ARHGAP26: variants seen among roughly 807,000 people sequenced by gnomAD.
The protein encoded by ARHGAP26 is rho GTPase-activating protein 26.
Under a neutral mutation model 104.8 loss-of-function variants are expected in ARHGAP26, and 38 were observed. The observed-to-expected ratio is 0.36, with a 90% CI of 0.28 to 0.48. ARHGAP26 has a LOEUF of 0.48. ARHGAP26 is among the 20% of genes least tolerant of loss of function. The pLI, the probability that ARHGAP26 is intolerant of heterozygous loss-of-function variation, is 0.99. For synonymous variants in ARHGAP26, 341 were observed against 340.0 expected (o/e 1.00, Z -0.03); for missense variants, 704 against 947.9 (o/e 0.74, Z 3.38).
chr5:143,158,770 C>A (rs1800824004), intron 20 of ARHGAP26, among the ~76,000 whole-genome samples: 1 of 152,144 alleles, frequency 6.6e-6, no homozygotes, highest in Non-Finnish European at 1.5e-5. Flanking sequence ...GTCAAAAATA[C>A]TCAGAAAAGG....
intron 14 of ARHGAP26, among the ~76,000 whole-genome samples, chr5:143,043,981 GACTTA>G (rs1783852668): frequency 6.6e-6 from 1 of 152,184 alleles, no homozygotes; most frequent in Non-Finnish European, 1.5e-5. Flanking sequence ...ATTTCTGAAA[GACTTA>G]ACTTGAGGCT....
intron 20 of ARHGAP26, among the ~76,000 whole-genome samples, chr5:143,173,637 C>T (rs1254708347): frequency 7.2e-5 from 11 of 152,186 alleles, no homozygotes; most frequent in African/African-American, 2.4e-4. Flanking sequence ...TTGCCGGTAG[C>T]AGCCTCAGAA....
rs1365146169 is a variant in ARHGAP26, at chr5:142,944,510, G to GT, written c.1107+12385_1107+12386insT. Among the ~76,000 whole-genome samples, 4 of 152,084 alleles carry GT rather than the reference G, an allele frequency of 2.6e-5. No homozygotes were observed. The South Asian group carries it at 8.3e-4, about 32-fold the overall frequency. On this transcript the variant is annotated intron_variant, in intron 11 of 22. Coordinates refer to ENST00000645722, the MANE Select transcript of ARHGAP26 (RefSeq NM_001135608.3). Reference sequence around the variant, plus strand: ...TGTGCTCCTTCCAGTCACTTATGAGGGTGCCCATTTTCTCCACACCTTTGC... The same window carrying GT: ...TGTGCTCCTTCCAGTCACTTATGAGGTGTGCCCATTTTCTCCACACCTTTGC...
At chr5:143,020,036 T>G (rs1780103836) in intron 12 of ARHGAP26, among the ~76,000 whole-genome samples, 1 of 152,240 alleles carries the variant, frequency 6.6e-6, no homozygotes, top group Non-Finnish European at 1.5e-5. Context: ...AATGCCATTT[T>G]GTAGTTCACT....
At chr5:142,796,054 CTGTGTGTGTGTGTGTGTG>C (rs71890315) in intron 1 of ARHGAP26, among the ~76,000 whole-genome samples, 1 of 144,048 alleles carries the variant, frequency 6.9e-6, no homozygotes, top group Non-Finnish European at 1.5e-5. Flanking sequence ...AGGTGTTTTT[CTGTGTGTGTGTGTGTGTG>C]TGTGTGTGTG....
At chr5:142,944,847 G>T (rs26697) in intron 11 of ARHGAP26, among the ~76,000 whole-genome samples, 74,000 of 152,018 alleles carry the variant, frequency 0.49, 22,348 homozygotes, top group East Asian at 0.91. Context: ...ACAAACCTAA[G>T]TTTCGCTTGT....
chr5:142,796,605 C>T (rs1449592735), intron 1 of ARHGAP26, among the ~76,000 whole-genome samples: 1 of 152,222 alleles, frequency 6.6e-6, no homozygotes, highest in East Asian at 1.9e-4. Flanking sequence ...AGTGTAGTTG[C>T]TTTCAAGAAC....
intron 11 of ARHGAP26, among the ~76,000 whole-genome samples, chr5:142,991,639 T>C (rs982384629): frequency 1.3e-5 from 2 of 152,168 alleles, no homozygotes; most frequent in Non-Finnish European, 2.9e-5. Context: ...ACGTTTTCTA[T>C]GTTTAGATAT....
rs755319414 is a variant in ARHGAP26 at position 142,913,238 on chromosome 5, C to T, written c.973C>T (p.Arg325Trp). 4.3e-6 allele frequency: 7 copies of T among 1,613,958 alleles called. No homozygotes were observed. The highest frequency in any genetic ancestry group is 1.7e-5 in the Admixed American group (1 of 59,998). ...ESVILKSCTR[R>W]KTDSIEKRFC... is the part of the protein sequence containing the mutation. The stretch of plus-strand genomic sequence containing the variant: ...AGTTATCCTCAAATCCTGCACACGG[C>T]GGAAAACAGACTCCATTGAGAAGAG... The change falls in exon 10 of 23, where the codon CGG becomes TGG. Residue 325 changes from arginine to tryptophan, a missense_variant. By Grantham distance (101) the Arg-to-Trp change is moderately radical. Transcript: ENST00000645722.
intron 11 of ARHGAP26, among the ~76,000 whole-genome samples, chr5:142,957,546 C>T (rs1769461850): frequency 6.6e-6 from 1 of 152,198 alleles, no homozygotes; most frequent in Admixed American, 6.5e-5. Context: ...CTATACACTA[C>T]ATGTGCATAA....
At chr5:142,781,805 G>A (rs1290142991) in intron 1 of ARHGAP26, among the ~76,000 whole-genome samples, 3 of 152,080 alleles carry the variant, frequency 2.0e-5, no homozygotes, top group Admixed American at 6.5e-5. Flanking sequence ...TCCGCCTCCC[G>A]GGTTCAAGTG....
chr5:143,013,836 AAG>A (rs1598630208), intron 11 of ARHGAP26, among the ~76,000 whole-genome samples: 1 of 152,198 alleles, frequency 6.6e-6, no homozygotes, highest in East Asian at 1.9e-4. Flanking sequence ...CTTTCTTAAA[AAG>A]AGGGAATTTT....
intron 10 of ARHGAP26, chr5:142,919,516 C>G (rs936192159): frequency 7.5e-6 from 3 of 397,596 alleles, no homozygotes; most frequent in Non-Finnish European, 1.3e-5. Context: ...GGGCCTTTCT[C>G]AATGAAGCAG....
intron 19 of ARHGAP26, 147 bp downstream of exon 19, chr5:143,134,252 C>A: frequency 1.1e-6 from 1 of 936,080 alleles, no homozygotes; most frequent in Non-Finnish European, 1.5e-6. Flanking sequence ...CTCCCAAGTG[C>A]CTTTGCTGAG....
chr5:142,925,118 C>G (rs149801277), intron 10 of ARHGAP26, among the ~76,000 whole-genome samples: 109 of 152,284 alleles, frequency 7.2e-4, no homozygotes, highest in African/African-American at 2.5e-3. Context: ...GCTGATCATG[C>G]CTTCCCGCAT....
In ARHGAP26 at chr5:142,949,211, GA is replaced by G. The variant is rs1487769341; in HGVS notation, c.1107+17087del. 8.6e-4 allele frequency among the ~76,000 whole-genome samples: 56 copies of G among 65,484 alleles called. 5 individuals are homozygous for G. The East Asian group carries it at 8.7e-3, about 10-fold the overall frequency. 43.0% of individuals were successfully genotyped at this position (65,484 alleles called of 152,430 possible). A position where few individuals can be genotyped will look rare whatever the true frequency, so the allele number is the denominator to read the frequency against. On this transcript the variant is annotated intron_variant, in intron 11 of 22. Coordinates refer to ENST00000645722, the MANE Select transcript of ARHGAP26 (RefSeq NM_001135608.3). ...AGAGAGAGAGAGAGAGAGAGAGAGA[GA>G]GAGAGAGAGGAGAGAGAGAGGAGAG...
intron 11 of ARHGAP26, among the ~76,000 whole-genome samples, chr5:142,950,992 TCC>T (rs1768260010): frequency 1.9e-4 from 1 of 5,314 alleles, no homozygotes; most frequent in Admixed American, 2.6e-3. Flanking sequence ...CCTTCCTCTT[TCC>T]CTTTCTCTTT....
In ARHGAP26 at chr5:142,827,232, A is replaced by T. The variant is rs112188905; in HGVS notation, c.155-46168A>T. ...CCACCTCTGGTGTTGGCTGGCCTCCATGGTTGGTTGTGGCATGGCCCTGTG... is the reference window on the plus strand; with the variant it reads ...CCACCTCTGGTGTTGGCTGGCCTCCTTGGTTGGTTGTGGCATGGCCCTGTG... On this transcript the variant is annotated intron_variant, in intron 1 of 22. Coordinates refer to ENST00000645722, the MANE Select transcript of ARHGAP26 (RefSeq NM_001135608.3). Among the ~76,000 whole-genome samples the T allele has an allele frequency of 3.1e-3, 473 of 151,944 alleles. 1 individual carries two copies. The highest frequency in any genetic ancestry group is 5.8e-3 in the Non-Finnish European group (394 of 67,984).
At chr5:142,869,309 C>G (rs774235983) in intron 1 of ARHGAP26, among the ~76,000 whole-genome samples, 1 of 151,208 alleles carries the variant, frequency 6.6e-6, no homozygotes, top group African/African-American at 2.4e-5. Flanking sequence ...CGGGTTCACG[C>G]GATTCTCCTG....
Sources: allele counts gnomAD v4.1 joint callset (sites outside exome capture counted in the v4.1 genomes callset), GRCh38; gene constraint gnomAD v4.1.1; transcripts MANE v1.5; gene names NCBI Gene and HGNC (gene_info 2026-07-23, HGNC 2026-07-21).